Variants in FER observed in about 807,000 individuals in gnomAD.
FER encodes the protein tyrosine-protein kinase Fer.
Under a neutral mutation model 111.0 loss-of-function variants are expected in FER, and 63 were observed. The observed-to-expected ratio is 0.57, with a 90% CI of 0.46 to 0.70. The LOEUF is 0.70. Among genes scored for constraint, FER ranks in the 30% least tolerant of loss-of-function variants. The pLI is 0.00. For synonymous variants in FER, 327 were observed against 313.9 expected (o/e 1.04, Z -0.44); for missense variants, 914 against 954.0 (o/e 0.96, Z 0.55).
chr5:108,862,868 A>C (rs1223155418), intron 5 of FER, among the ~76,000 whole-genome samples: 2 of 152,262 alleles, frequency 1.3e-5, no homozygotes, highest in South Asian at 2.1e-4. Flanking sequence ...AAAAACCAAA[A>C]ACCTTGAAAT....
At chr5:108,930,771 A>T (rs1438813658) in intron 10 of FER, among the ~76,000 whole-genome samples, 1 of 149,938 alleles carries the variant, frequency 6.7e-6, no homozygotes. Context: ...GCAACAGTAC[A>T]CTCTACTGAT....
chr5:109,179,494 C>T (rs960225556), intron 17 of FER, among the ~76,000 whole-genome samples: 4 of 152,130 alleles, frequency 2.6e-5, no homozygotes, highest in East Asian at 3.8e-4. Context: ...TGAATAACAT[C>T]GATTACTTTT....
chr5:108,893,423 T>C (rs1241437502), intron 9 of FER, among the ~76,000 whole-genome samples: 2 of 152,138 alleles, frequency 1.3e-5, no homozygotes, highest in East Asian at 1.9e-4. Context: ...ATTTTTTTTT[T>C]CTACAAGTAT....
intron 13 of FER, among the ~76,000 whole-genome samples, chr5:108,961,118 C>A (rs1194392830): frequency 6.6e-6 from 1 of 152,074 alleles, no homozygotes; most frequent in East Asian, 1.9e-4. Flanking sequence ...CTTAATTATT[C>A]ATGTGGAAGT....
chr5:108,761,179 CG>C (rs1751704311), intron 1 of FER, among the ~76,000 whole-genome samples: 2 of 152,140 alleles, frequency 1.3e-5, no homozygotes. Context: ...CCCCCCACCT[CG>C]GCCTCCCAAA....
At chr5:108,792,421 A>G (rs1421174221) in intron 2 of FER, among the ~76,000 whole-genome samples, 2 of 152,048 alleles carry the variant, frequency 1.3e-5, no homozygotes, top group Non-Finnish European at 2.9e-5. Flanking sequence ...ACTCACTGCA[A>G]CCTCCACTTC....
At chr5:108,911,658 G>T (rs1450722717) in intron 10 of FER, among the ~76,000 whole-genome samples, 4 of 152,066 alleles carry the variant, frequency 2.6e-5, no homozygotes, top group African/African-American at 7.2e-5. Context: ...AGAGATAGGG[G>T]TCTAGTTTTA....
Position 108,897,337 on chromosome 5 carries a change from C to A in FER, c.1047-322C>A, listed in dbSNP as rs112192327. 3.9e-5 allele frequency among the ~76,000 whole-genome samples: 6 copies of A among 152,084 alleles called. No individual in the cohort carries two copies. In the East Asian group the frequency reaches 1.2e-3, roughly 29 times the overall value. On this transcript the variant is annotated intron_variant, in intron 9 of 19. Transcript: ENST00000281092. ...AGATCCTGCTTCTGTTATTTTAATT[C>A]ATTCTAGGCCCTATACCTCTGGACC...
In FER at chr5:108,907,461, T is replaced by G. The variant is rs1750950779; in HGVS notation, c.1236+9613T>G. On this transcript the variant is annotated intron_variant, in intron 10 of 19. Coordinates refer to ENST00000281092, the MANE Select transcript of FER (RefSeq NM_005246.4). Reference sequence around the variant, plus strand: ...GGTGCTGCCACCACACCCAGCTAATTTTTTTGTATTTTTGATAGAGACGGG... The same window carrying G: ...GGTGCTGCCACCACACCCAGCTAATGTTTTTGTATTTTTGATAGAGACGGG... 2.0e-5 allele frequency among the ~76,000 whole-genome samples: 3 copies of G among 152,042 alleles called. No homozygotes were observed. The Middle Eastern group carries it at 0.01, about 517-fold the overall frequency.
At chr5:109,010,449 G>A (rs563830387) in intron 13 of FER, among the ~76,000 whole-genome samples, 1 of 152,096 alleles carries the variant, frequency 6.6e-6, no homozygotes, top group Non-Finnish European at 1.5e-5. Flanking sequence ...GAGCCACCGT[G>A]CCCAGCCTTT....
chr5:109,023,418 C>T (rs1223691251), intron 13 of FER, among the ~76,000 whole-genome samples: 3 of 152,228 alleles, frequency 2.0e-5, no homozygotes, highest in East Asian at 1.9e-4. Context: ...TTCAAGTAGG[C>T]ACTTGGATAC....
Position 109,195,233 on chromosome 5 carries a change from T to G in FER, c.*7658T>G, listed in dbSNP as rs558306562. The stretch of plus-strand genomic sequence containing the variant: ...AGGACTTTGAATATTTTCTCCTTAA[T>G]TAAAGTACGTTGCTTGTATTTAGAC... On this transcript the variant is annotated 3_prime_UTR_variant, in exon 20 of 20. Coordinates refer to ENST00000281092, the MANE Select transcript of FER (RefSeq NM_005246.4). The G allele has an allele frequency of 2.0e-4, 30 of 152,270 alleles. No homozygotes were observed. The highest frequency in any genetic ancestry group is 3.4e-3 in the Middle Eastern group (1 of 294). 9.4% of individuals were successfully genotyped at this position (152,270 alleles called of 1,614,324 possible). A position where few individuals can be genotyped will look rare whatever the true frequency, so the allele number is the denominator to read the frequency against.
intron 13 of FER, among the ~76,000 whole-genome samples, chr5:108,962,336 G>A (rs1759254033): frequency 6.6e-6 from 1 of 152,134 alleles, no homozygotes. Flanking sequence ...TATATGACCT[G>A]TTCTTTACTT....
chr5:108,848,990 T>C (rs1762293060), intron 5 of FER, among the ~76,000 whole-genome samples: 1 of 151,930 alleles, frequency 6.6e-6, no homozygotes, highest in African/African-American at 2.4e-5. Flanking sequence ...GTTTCTCCAG[T>C]GCCTTGTCAC....
chr5:108,823,645 T>C lies in FER; in HGVS notation c.208-9125T>C, dbSNP rs114361589. ...CTGAGCTATTTTTTTCTGTGTGCTG[T>C]TGAGTTGTGTTAGTTCCTTACATAT... On this transcript the variant is annotated intron_variant, in intron 3 of 19. Coordinates refer to ENST00000281092, the MANE Select transcript of FER (RefSeq NM_005246.4). 2.7e-3 allele frequency among the ~76,000 whole-genome samples: 409 copies of C among 152,306 alleles called. 1 individual carries two copies. The highest frequency in any genetic ancestry group is 9.4e-3 in the African/African-American group (392 of 41,572).
At chr5:108,941,800 A>G (rs1434089777) in intron 10 of FER, among the ~76,000 whole-genome samples, 1 of 152,170 alleles carries the variant, frequency 6.6e-6, no homozygotes, top group Admixed American at 6.6e-5. Context: ...TTGGTGAAGG[A>G]TGGATGAATA....
At chr5:108,846,332 G>A (rs1762021348) in intron 5 of FER, among the ~76,000 whole-genome samples, 1 of 152,000 alleles carries the variant, frequency 6.6e-6, no homozygotes, top group African/African-American at 2.4e-5. Context: ...CAGCTACTTG[G>A]GAGGCTGAGA....
At chr5:108,927,834 G>C (rs971048274) in intron 10 of FER, among the ~76,000 whole-genome samples, 3 of 152,172 alleles carry the variant, frequency 2.0e-5, no homozygotes, top group African/African-American at 7.2e-5. Flanking sequence ...AAATAGTGTT[G>C]ACTGAGGGAT....
chr5:108,772,993 A>C (rs1753091288), intron 2 of FER, among the ~76,000 whole-genome samples: 1 of 152,166 alleles, frequency 6.6e-6, no homozygotes, highest in African/African-American at 2.4e-5. Flanking sequence ...GATTTAATTA[A>C]ATACCCTCTC....
Sources: allele counts gnomAD v4.1 joint callset (sites outside exome capture counted in the v4.1 genomes callset), GRCh38; gene constraint gnomAD v4.1.1; transcripts MANE v1.5; gene names NCBI Gene and HGNC (gene_info 2026-07-23, HGNC 2026-07-21).